Variants in RAD51B observed in about 807,000 individuals in gnomAD.
RAD51B encodes DNA repair protein RAD51 homolog 2.
Under a neutral mutation model 42.2 loss-of-function variants are expected in RAD51B, and 38 were observed. The ratio of observed to expected loss-of-function variants is 0.90; its 90% CI spans 0.70 to 1.18. The LOEUF is 1.18. RAD51B is among the 50% of genes most tolerant of loss of function. RAD51B has a pLI of 0.00. For missense variants in RAD51B, 373 were observed against 400.7 expected, an observed-to-expected ratio of 0.93 and a Z score of 0.59; for synonymous variants, 154 against 145.2, an observed-to-expected ratio of 1.06 and a Z score of -0.43.
chr14:68,150,963 TAAG>T, intron 7 of RAD51B, among the ~76,000 whole-genome samples: 1 of 152,196 alleles, frequency 6.6e-6, no homozygotes, highest in South Asian at 2.1e-4. Context: ...ATTTTGATAA[TAAG>T]AAAATAAATT....
chr14:68,261,759 A>G (rs765732914), intron 7 of RAD51B, among the ~76,000 whole-genome samples: 70 of 151,142 alleles, frequency 4.6e-4, no homozygotes, highest in Non-Finnish European at 8.5e-4. Context: ...GCTTATCCCA[A>G]AGTGAGCAGA....
intron 7 of RAD51B, among the ~76,000 whole-genome samples, chr14:68,280,040 C>A (rs1192523018): frequency 1.3e-5 from 2 of 152,220 alleles, no homozygotes; most frequent in Non-Finnish European, 2.9e-5. Flanking sequence ...CTCGTCATCA[C>A]ATTTCAGCAG....
intron 7 of RAD51B, among the ~76,000 whole-genome samples, chr14:68,070,317 A>T (rs886554849): frequency 6.6e-6 from 1 of 152,004 alleles, no homozygotes; most frequent in Non-Finnish European, 1.5e-5. Context: ...TTTTTGTTGC[A>T]GCTGCTTTTG....
chr14:67,880,011 A>G (rs2042856108), intron 5 of RAD51B, among the ~76,000 whole-genome samples: 1 of 152,218 alleles, frequency 6.6e-6, no homozygotes, highest in Non-Finnish European at 1.5e-5. Flanking sequence ...TTACCTATGC[A>G]TGATTTTGTA....
intron 9 of RAD51B, among the ~76,000 whole-genome samples, chr14:68,420,406 G>C (rs12435006): frequency 0.79 from 120,080 of 152,200 alleles, 48,114 homozygotes; most frequent in East Asian, 0.97. Context: ...ACAGCAACCC[G>C]AAGAGCTGCT....
chr14:68,357,704 C>T (rs1682898405), intron 8 of RAD51B, among the ~76,000 whole-genome samples: 1 of 152,164 alleles, frequency 6.6e-6, no homozygotes, highest in African/African-American at 2.4e-5. Context: ...TGACCAGCTA[C>T]ATTGTCAGTG....
intron 10 of RAD51B, among the ~76,000 whole-genome samples, chr14:68,560,823 A>G (rs1259132384): frequency 1.3e-5 from 2 of 148,608 alleles, no homozygotes; most frequent in African/African-American, 5.0e-5. Flanking sequence ...CCCTCTCTCC[A>G]TCTCCACCCT....
chr14:68,409,834 A>T lies in RAD51B; in HGVS notation c.854-1590A>T, dbSNP rs1299128493. On this transcript the variant is annotated intron_variant, in intron 8 of 10. Transcript: ENST00000471583. ...ATGTGATCAGATCGGAACAATCTAG[A>T]TTATTTGTTTTCACATTAATTTGTG... Among the ~76,000 whole-genome samples the T allele has an allele frequency of 1.3e-5, 2 of 152,330 alleles. 1 individual carries two copies. The highest frequency in any genetic ancestry group is 3.9e-4 in the East Asian group (2 of 5,192).
At chr14:68,367,141 A>G (rs1285253043) in intron 8 of RAD51B, among the ~76,000 whole-genome samples, 1 of 152,230 alleles carries the variant, frequency 6.6e-6, no homozygotes, top group Non-Finnish European at 1.5e-5. Context: ...AATCTTTGTA[A>G]TTGTACATGG....
intron 7 of RAD51B, among the ~76,000 whole-genome samples, chr14:68,099,433 T>G (rs991983430): frequency 6.6e-6 from 1 of 152,240 alleles, no homozygotes; most frequent in African/African-American, 2.4e-5. Context: ...AAAACCTTCT[T>G]AAATTCTTTT....
At chr14:68,166,589 A>G (rs1464112650) in intron 7 of RAD51B, among the ~76,000 whole-genome samples, 2 of 152,172 alleles carry the variant, frequency 1.3e-5, no homozygotes, top group Non-Finnish European at 2.9e-5. Context: ...ATTTGAGAAT[A>G]CTTACCTGGT....
chr14:68,629,031 G>A lies in RAD51B; in HGVS notation c.1037-21750G>A, dbSNP rs577931989. 1.7e-3 allele frequency among the ~76,000 whole-genome samples: 263 copies of A among 152,298 alleles called. 3 individuals are homozygous for A. In the South Asian group the frequency reaches 0.018, roughly 11 times the overall value. ...CTTTCTTCCCGCAAGTTCGGGGCTCGAGAGACGGCTGCAGGAAGGCCATCA... is the reference window on the plus strand; with the variant it reads ...CTTTCTTCCCGCAAGTTCGGGGCTCAAGAGACGGCTGCAGGAAGGCCATCA... On this transcript the variant is annotated intron_variant, in intron 10 of 11. Coordinates refer to the RAD51B transcript ENST00000488612.
chr14:68,401,738 C>A (rs181926945), intron 8 of RAD51B, among the ~76,000 whole-genome samples: 4 of 152,218 alleles, frequency 2.6e-5, no homozygotes, highest in Non-Finnish European at 5.9e-5. Context: ...TTAGTTGAAG[C>A]AGTTATTACA....
intron 7 of RAD51B, among the ~76,000 whole-genome samples, chr14:68,151,233 A>C (rs2078372356): frequency 6.6e-6 from 1 of 151,506 alleles, no homozygotes; most frequent in Non-Finnish European, 1.5e-5. Context: ...TTATTGCTTT[A>C]TTGTATTTTG....
At chr14:68,201,464 A>G (rs991301265) in intron 7 of RAD51B, among the ~76,000 whole-genome samples, 11 of 152,204 alleles carry the variant, frequency 7.2e-5, no homozygotes, top group African/African-American at 2.4e-4. Context: ...GCTTTCATCA[A>G]ACATTTAAGG....
chr14:68,159,181 T>C (rs1404732528), intron 7 of RAD51B, among the ~76,000 whole-genome samples: 1 of 152,126 alleles, frequency 6.6e-6, no homozygotes, highest in Non-Finnish European at 1.5e-5. Flanking sequence ...TTGACAATTA[T>C]TAAAGCTGGT....
intron 7 of RAD51B, among the ~76,000 whole-genome samples, chr14:67,912,139 C>A (rs1298427859): frequency 6.6e-6 from 1 of 152,092 alleles, no homozygotes; most frequent in South Asian, 2.1e-4. Flanking sequence ...ATTTAGAGGG[C>A]TTAATTAGTC....
chr14:68,648,015 A>ATATATATG (rs1892597269), intron 10 of RAD51B, among the ~76,000 whole-genome samples: 1 of 90,368 alleles, frequency 1.1e-5, no homozygotes, highest in Non-Finnish European at 2.2e-5. Context: ...ATATATATAT[A>ATATATATG]TATATACGTA....
At chr14:67,886,016 A>G (rs762472501) in intron 6 of RAD51B, 28 bp downstream of exon 6, 2 of 1,508,068 alleles carry the variant, frequency 1.3e-6, no homozygotes, top group South Asian at 2.5e-5. Context: ...TTGATTTTTT[A>G]GTAATGCGTT....
Sources: allele counts gnomAD v4.1 joint callset (sites outside exome capture counted in the v4.1 genomes callset), GRCh38; gene constraint gnomAD v4.1.1; transcripts MANE v1.5; gene names NCBI Gene and HGNC (gene_info 2026-07-23, HGNC 2026-07-21).